ANXA13: variants seen among roughly 807,000 people sequenced by gnomAD.
ANXA13 encodes the protein annexin XIII.
In ANXA13, 36 loss-of-function variants were observed where a neutral mutation model predicts 46.6. The observed-to-expected ratio is 0.77, with a 90% CI of 0.59 to 1.02. ANXA13 has a LOEUF of 1.02. Among genes scored for constraint, ANXA13 ranks in the 50% least tolerant of loss-of-function variants. The pLI is 0.00. For synonymous variants in ANXA13, 163 were observed against 152.9 expected (o/e 1.07, Z -0.49); for missense variants, 417 against 396.5 (o/e 1.05, Z -0.44).
At chr8:123,707,722 C>T (rs1173994328) in intron 2 of ANXA13, among the ~76,000 whole-genome samples, 2 of 151,994 alleles carry the variant, frequency 1.3e-5, no homozygotes, top group Non-Finnish European at 2.9e-5. Context: ...GGAGGGATAG[C>T]ATTAGGAGAA....
chr8:123,704,480 T>C (rs1260415239), intron 2 of ANXA13, among the ~76,000 whole-genome samples: 1 of 151,896 alleles, frequency 6.6e-6, no homozygotes, highest in East Asian at 1.9e-4. Context: ...CACTGCAACC[T>C]CCACCTCCTG....
chr8:123,691,245 C>T (rs1813235036), intron 8 of ANXA13, among the ~76,000 whole-genome samples: 1 of 152,148 alleles, frequency 6.6e-6, no homozygotes, highest in African/African-American at 2.4e-5. Flanking sequence ...CATCTCTGTG[C>T]TTTTGGTCAG....
In ANXA13 at chr8:123,707,187, T is replaced by C. The variant is rs542601529; in HGVS notation, c.92-4451A>G. Among the ~76,000 whole-genome samples the C allele has an allele frequency of 1.6e-3, 243 of 152,224 alleles. 1 individual carries two copies. Among genetic ancestry groups the C allele is most frequent in the Middle Eastern group, 3.4e-3 (1 of 294 alleles). ...ACATGTGCACAGATGAATGAATGAA[T>C]TGATGGGTGAATGAATGAATGAATG... is the stretch of plus-strand genomic sequence containing the variant. On this transcript the variant is annotated intron_variant, in intron 2 of 10. Coordinates refer to ENST00000419625, the MANE Select transcript of ANXA13 (RefSeq NM_004306.4).
chr8:123,717,088 C>T (rs1813770414), intron 1 of ANXA13, among the ~76,000 whole-genome samples: 2 of 152,140 alleles, frequency 1.3e-5, no homozygotes, highest in Admixed American at 1.3e-4. Context: ...CAGATAAAAA[C>T]AGCACAAGAT....
intron 1 of ANXA13, chr8:123,729,288 A>C (rs763683829): frequency 4.6e-5 from 7 of 152,172 alleles, no homozygotes; most frequent in Non-Finnish European, 1.0e-4. Flanking sequence ...TTTGCTTCCC[A>C]TACGAGGAAA....
At chr8:123,696,556 C>CCG (rs1813340873) in intron 4 of ANXA13, among the ~76,000 whole-genome samples, 3 of 85,898 alleles carry the variant, frequency 3.5e-5, no homozygotes, top group Non-Finnish European at 9.7e-5. Context: ...TCCTGCTCCC[C>CCG]CACCCCCCCC....
At chr8:123,688,397 T>G (rs1259971798) in intron 9 of ANXA13, among the ~76,000 whole-genome samples, 1 of 152,232 alleles carries the variant, frequency 6.6e-6, no homozygotes, top group Non-Finnish European at 1.5e-5. Flanking sequence ...AAGCATCTTT[T>G]TCTTTATAAA....
chr8:123,730,893 C>A (rs1270571134), intron 1 of ANXA13, among the ~76,000 whole-genome samples: 1 of 152,084 alleles, frequency 6.6e-6, no homozygotes, highest in Non-Finnish European at 1.5e-5. Context: ...GGGGAGTTCT[C>A]CGGGCTGCAT....
Position 123,698,455 on chromosome 8 carries a change from C to CT in ANXA13, c.290dup (p.Ala98GlyfsTer9), listed in dbSNP as rs780109210. The stretch of plus-strand genomic sequence containing the variant: ...CATCTGTGCCCAGACCCTTCATAGC[C>CT]TTCTGCAGCTGCCGGGCGGCGTACT... On this transcript the variant is annotated frameshift_variant, in exon 4 of 11. Transcript: ENST00000419625. LOFTEE classifies it high-confidence loss of function. The CT allele has an allele frequency of 1.9e-6, 3 of 1,614,222 alleles. No homozygotes were observed. Among genetic ancestry groups the CT allele is most frequent in the Non-Finnish European group, 2.5e-6 (3 of 1,180,040 alleles).
At chr8:123,734,360 C>A (rs1319349944) in intron 1 of ANXA13, among the ~76,000 whole-genome samples, 2 of 152,160 alleles carry the variant, frequency 1.3e-5, no homozygotes, top group African/African-American at 2.4e-5. Flanking sequence ...TCTGATCTTT[C>A]TCTCTGTGTA....
At chr8:123,704,484 C>T (rs1203622452) in intron 2 of ANXA13, among the ~76,000 whole-genome samples, 1 of 152,006 alleles carries the variant, frequency 6.6e-6, no homozygotes, top group East Asian at 1.9e-4. Flanking sequence ...GCAACCTCCA[C>T]CTCCTGGGTT....
intron 1 of ANXA13, among the ~76,000 whole-genome samples, chr8:123,721,434 C>G (rs1813869938): frequency 6.6e-6 from 1 of 152,078 alleles, no homozygotes; most frequent in Non-Finnish European, 1.5e-5. Flanking sequence ...ATAATAGTAC[C>G]CACCTCGTAT....
At chr8:123,707,705 G>A (rs1430833685) in intron 2 of ANXA13, among the ~76,000 whole-genome samples, 2 of 151,996 alleles carry the variant, frequency 1.3e-5, no homozygotes, top group African/African-American at 2.4e-5. Context: ...GGGGGTCAGG[G>A]GCAAGGGGAG....
At chr8:123,736,780 A>G (rs1285721458) in intron 1 of ANXA13, among the ~76,000 whole-genome samples, 5 of 151,310 alleles carry the variant, frequency 3.3e-5, no homozygotes, top group Non-Finnish European at 7.4e-5. Flanking sequence ...CTTATTTTAC[A>G]TACTTCTTTC....
intron 8 of ANXA13, 50 bp downstream of exon 8, chr8:123,693,142 ATAACT>A (rs1197879842): frequency 7.3e-6 from 11 of 1,498,806 alleles, no homozygotes; most frequent in Middle Eastern, 1.7e-4. Flanking sequence ...TCTTTTGGAA[ATAACT>A]TAAGACACTT....
chr8:123,683,424 C>CTA (rs1554591420), intron 10 of ANXA13, among the ~76,000 whole-genome samples: 14 of 114,552 alleles, frequency 1.2e-4, no homozygotes, highest in African/African-American at 2.1e-4. Context: ...CATTTAACCA[C>CTA]TTTTTTTTTT....
chr8:123,704,730 C>T (rs367744625), intron 2 of ANXA13, among the ~76,000 whole-genome samples: 3 of 152,096 alleles, frequency 2.0e-5, no homozygotes, highest in South Asian at 2.1e-4. Context: ...AAACACCTTC[C>T]TAGATGGCTT....
chr8:123,681,438 T>G, intron 10 of ANXA13, 79 bp from the exon 11 acceptor site: 1 of 1,414,582 alleles, frequency 7.1e-7, no homozygotes, highest in South Asian at 1.4e-5. Flanking sequence ...CTACACATGT[T>G]ATACTCATTT....
At chr8:123,716,637 T>C (rs1284356583) in intron 1 of ANXA13, among the ~76,000 whole-genome samples, 5 of 152,162 alleles carry the variant, frequency 3.3e-5, no homozygotes, top group African/African-American at 7.2e-5. Flanking sequence ...TGGTGGGGGC[T>C]GCCTCCACAA....
Sources: allele counts gnomAD v4.1 joint callset (sites outside exome capture counted in the v4.1 genomes callset), GRCh38; gene constraint gnomAD v4.1.1; transcripts MANE v1.5; gene names NCBI Gene and HGNC (gene_info 2026-07-23, HGNC 2026-07-21).